The following USP47 variants were observed in gnomAD, a reference collection of about 807,000 sequenced individuals.
USP47 encodes the protein ubiquitin specific peptidase 47, also known as ubiquitin carboxyl-terminal hydrolase 47.
Under a neutral mutation model 165.1 loss-of-function variants are expected in USP47, and 35 were observed. That is an observed-to-expected ratio of 0.21 (90% CI 0.16 to 0.28). The LOEUF is 0.28. Ranked by LOEUF, USP47 falls within the 10% of genes least tolerant of loss-of-function variation. The pLI is 1.00. For synonymous variants in USP47, 531 were observed against 544.5 expected, an observed-to-expected ratio of 0.98 and a Z score of 0.35; for missense variants, 1,277 against 1,607.4, an observed-to-expected ratio of 0.79 and a Z score of 3.52.
chr11:11,854,051 C>T (rs1473287500), intron 1 of USP47, among the ~76,000 whole-genome samples: 3 of 147,670 alleles, frequency 2.0e-5, no homozygotes, highest in African/African-American at 4.9e-5. Context: ...AGGAGAATGG[C>T]GTGAACCCAG....
chr11:11,888,508 A>G (rs1482895155), intron 3 of USP47, among the ~76,000 whole-genome samples: 1 of 152,162 alleles, frequency 6.6e-6, no homozygotes, highest in African/African-American at 2.4e-5. Context: ...CTAGGAAGAA[A>G]TTGAGTCTCT....
At chr11:11,929,865 A>ACTGG (rs1434024815) in intron 12 of USP47, among the ~76,000 whole-genome samples, 179 bp from the exon 13 acceptor site, 9 of 152,266 alleles carry the variant, frequency 5.9e-5, no homozygotes. Flanking sequence ...GAATACTAGA[A>ACTGG]CTGGCTGGCT....
intron 1 of USP47, chr11:11,856,388 C>T (rs1039115004): frequency 1.3e-5 from 2 of 152,144 alleles, no homozygotes; most frequent in Non-Finnish European, 2.9e-5. Flanking sequence ...ACCTTATTCT[C>T]TCATCCATTT....
chr11:11,889,975 G>A (rs1394722322), intron 3 of USP47, among the ~76,000 whole-genome samples: 1 of 152,128 alleles, frequency 6.6e-6, no homozygotes, highest in East Asian at 1.9e-4. Flanking sequence ...TTAATAAATG[G>A]TGCTGGGAGA....
chr11:11,952,946 A>G (rs1856319674), intron 25 of USP47, 75 bp downstream of exon 25: 3 of 1,074,854 alleles, frequency 2.8e-6, no homozygotes, highest in Non-Finnish European at 2.3e-6. Context: ...TATATAATAT[A>G]TAAACAATAC....
intron 16 of USP47, 132 bp from the exon 17 acceptor site, chr11:11,936,171 A>T: frequency 2.8e-6 from 1 of 355,032 alleles, no homozygotes; most frequent in Non-Finnish European, 4.5e-6. Flanking sequence ...CAAATCATAA[A>T]TGTGTGGATT....
intron 3 of USP47, among the ~76,000 whole-genome samples, chr11:11,888,404 G>A (rs532754316): frequency 1.3e-5 from 2 of 151,888 alleles, no homozygotes; most frequent in East Asian, 1.9e-4. Flanking sequence ...ACAGAAATAC[G>A]AAAAACCATC....
chr11:11,918,831 T>A (rs934336081), intron 8 of USP47, among the ~76,000 whole-genome samples: 15 of 152,064 alleles, frequency 9.9e-5, no homozygotes, highest in African/African-American at 1.9e-4. Flanking sequence ...TTTACCAGTT[T>A]AAATTACCAC....
chr11:11,885,073 A>G (rs1238075355), intron 3 of USP47, among the ~76,000 whole-genome samples: 1 of 152,074 alleles, frequency 6.6e-6, no homozygotes, highest in African/African-American at 2.4e-5. Flanking sequence ...CTATTCTTTT[A>G]ATGTTTATCC....
At chr11:11,948,145 G>A (rs1348045891) in intron 21 of USP47, 25 bp downstream of exon 21, 1 of 1,588,352 alleles carries the variant, frequency 6.3e-7, no homozygotes, top group African/African-American at 1.4e-5. Context: ...TCTTCGAGTA[G>A]TTAGAGTCTA....
At chr11:11,889,896 A>G (rs1771797280) in intron 3 of USP47, among the ~76,000 whole-genome samples, 1 of 152,206 alleles carries the variant, frequency 6.6e-6, no homozygotes, top group African/African-American at 2.4e-5. Context: ...CTCAGAAATA[A>G]GACCACACAT....
chr11:11,938,462 T>G, intron 18 of USP47, 90 bp downstream of exon 18: 9 of 894,064 alleles, frequency 1.0e-5, no homozygotes, highest in Non-Finnish European at 1.6e-5. Context: ...AGATACATGC[T>G]TTACCTCCAG....
chr11:11,945,358 G>T (rs1855754076), intron 20 of USP47, among the ~76,000 whole-genome samples: 1 of 152,164 alleles, frequency 6.6e-6, no homozygotes, highest in Non-Finnish European at 1.5e-5. Context: ...AGGAAGAACA[G>T]GTAGACAATG....
intron 20 of USP47, among the ~76,000 whole-genome samples, chr11:11,946,488 C>T (rs1855847891): frequency 6.6e-6 from 1 of 152,180 alleles, no homozygotes; most frequent in African/African-American, 2.4e-5. Flanking sequence ...CTACATTTGT[C>T]ACAACAATGT....
intron 2 of USP47, among the ~76,000 whole-genome samples, chr11:11,882,968 A>G (rs907864236): frequency 6.6e-6 from 1 of 151,974 alleles, no homozygotes; most frequent in Non-Finnish European, 1.5e-5. Context: ...CTGTATTTTT[A>G]TTTGCCTCCT....
intron 8 of USP47, among the ~76,000 whole-genome samples, chr11:11,915,096 T>C (rs1853312935): frequency 6.6e-6 from 1 of 152,186 alleles, no homozygotes; most frequent in South Asian, 2.1e-4. Flanking sequence ...CTTCAGTAAG[T>C]GAATGGTTTA....
Position 11,922,870 on chromosome 11 carries a change from C to T in USP47, c.1365C>T (p.Ile455=). 1 of 1,609,602 alleles carries T rather than the reference C, an allele frequency of 6.2e-7. No individual in the cohort carries two copies. The highest frequency in any genetic ancestry group is 1.1e-5 in the South Asian group (1 of 90,618). ...AAACCAATAGTGGAACTGAAAAGAT[C>T]TCAAAATCTGGACTTGAAAAGGTAC... ...CLETNSGTEK[I]SKSGLEKNSL... Residue 455 remains isoleucine, a synonymous_variant, in exon 11 of 28, where the codon ATC becomes ATT. Coordinates refer to ENST00000527733, the MANE Select transcript of USP47 (RefSeq NM_001282659.2).
chr11:11,946,801 TAAAG>T (rs2134831951), intron 20 of USP47, among the ~76,000 whole-genome samples: 1 of 152,296 alleles, frequency 6.6e-6, no homozygotes, highest in South Asian at 2.1e-4. Context: ...AGATAGTAAA[TAAAG>T]CTCATCACCC....
chr11:11,903,618 A>T (rs77700706), intron 7 of USP47, among the ~76,000 whole-genome samples: 1 of 152,256 alleles, frequency 6.6e-6, no homozygotes, highest in East Asian at 1.9e-4. Flanking sequence ...TATACATTTA[A>T]AAACTGTATA....
Sources: allele counts gnomAD v4.1 joint callset (sites outside exome capture counted in the v4.1 genomes callset), GRCh38; gene constraint gnomAD v4.1.1; transcripts MANE v1.5; gene names NCBI Gene and HGNC (gene_info 2026-07-23, HGNC 2026-07-21).